Variants in RSBN1L observed in about 807,000 individuals in gnomAD.
The protein encoded by RSBN1L is lysine-specific demethylase RSBN1L.
A neutral mutation model predicts 67.7 loss-of-function variants in RSBN1L; 30 were observed. That is an observed-to-expected ratio of 0.44 (90% confidence interval 0.33 to 0.60). The LOEUF (loss-of-function observed/expected upper bound fraction) is 0.60, where lower values mean the gene tolerates loss of function less well. Ranked by LOEUF, RSBN1L falls within the 20% of genes least tolerant of loss-of-function variation. The pLI is 0.02. For missense variants in RSBN1L, 992 were observed against 1,031.7 expected, an observed-to-expected ratio of 0.96 and a Z score of 0.53; for synonymous variants, 433 against 387.0, an observed-to-expected ratio of 1.12 and a Z score of -1.39.
At chr7:77,713,198 A>T (rs1055562634) in intron 1 of RSBN1L, among the ~76,000 whole-genome samples, 1 of 152,100 alleles carries the variant, frequency 6.6e-6, no homozygotes, top group Non-Finnish European at 1.5e-5. Flanking sequence ...ATATTAGAAT[A>T]TTAGCCCTTT....
intron 2 of RSBN1L, among the ~76,000 whole-genome samples, chr7:77,748,087 G>A (rs1313553276): frequency 6.6e-6 from 1 of 152,116 alleles, no homozygotes; most frequent in Non-Finnish European, 1.5e-5. Flanking sequence ...AGGTACTTGA[G>A]GGCACTGTCT....
intron 1 of RSBN1L, among the ~76,000 whole-genome samples, chr7:77,729,018 T>C (rs1369041079): frequency 6.7e-6 from 1 of 150,222 alleles, no homozygotes; most frequent in Non-Finnish European, 1.5e-5. Flanking sequence ...TCCTTATTTA[T>C]TTATTTTTTA....
At position 77,696,732 on chromosome 7, in the gene RSBN1L, T is replaced by G; in HGVS notation, c.263T>G (p.Phe88Cys). Residue 88 changes from phenylalanine (F) to cysteine (C), a missense_variant, in exon 1 of 8, where the codon TTT becomes TGT. Around this residue, in one of 7 missense-constraint regions of RSBN1L, gnomAD observed 575 missense variants for 483.2 expected, o/e 1.19. Transcript: ENST00000334955. ...QSYGSPASWS[F>C]APLSAAPSPS... is the part of the protein sequence containing the mutation. The stretch of plus-strand genomic sequence containing the variant: ...TATGGCAGCCCCGCGTCTTGGAGCT[T>G]TGCCCCTCTGTCTGCTGCTCCCTCC... The G allele has an allele frequency of 6.2e-7, 1 of 1,613,686 alleles. No individual in the cohort carries two copies. The highest frequency in any genetic ancestry group is 8.5e-7 in the Non-Finnish European group (1 of 1,179,962).
chr7:77,777,980 T>C (rs909655706), intron 6 of RSBN1L, among the ~76,000 whole-genome samples: 1 of 152,230 alleles, frequency 6.6e-6, no homozygotes, highest in Non-Finnish European at 1.5e-5. Context: ...CTAATTTTTA[T>C]GTAGTGTTTT....
chr7:77,734,347 A>T (rs1164927424), intron 1 of RSBN1L, among the ~76,000 whole-genome samples: 4 of 152,196 alleles, frequency 2.6e-5, no homozygotes, highest in African/African-American at 9.7e-5. Flanking sequence ...AAATTGAATT[A>T]TTGGAAAAAG....
At chr7:77,700,250 A>G (rs1450475289) in intron 1 of RSBN1L, among the ~76,000 whole-genome samples, 1 of 152,202 alleles carries the variant, frequency 6.6e-6, no homozygotes, top group Non-Finnish European at 1.5e-5. Context: ...GGTATCCAAA[A>G]TTTAGAATTA....
At position 77,779,770 on chromosome 7, in the gene RSBN1L, C is replaced by G. The variant is rs918573445; in HGVS notation, c.*602C>G. 6.7e-6 allele frequency: 1 copy of G among 149,408 alleles called. No individual in the cohort carries two copies. The highest frequency in any genetic ancestry group is 2.5e-5 in the African/African-American group (1 of 40,636). The allele number at this position is 149,408 out of a possible 1,614,324, so 9.3% of individuals were successfully genotyped here. A position where few individuals can be genotyped will look rare whatever the true frequency, so the allele number is the denominator to read the frequency against. ...AGTGTGGTATTGTAGTGCAAATGTA[C>G]GTAATTCAAATCTAGTAAATATTTA... On this transcript the variant is annotated 3_prime_UTR_variant, in exon 8 of 8. Coordinates refer to ENST00000334955, the MANE Select transcript of RSBN1L (RefSeq NM_198467.3).
chr7:77,757,219 T>G (rs1427325981), intron 3 of RSBN1L, among the ~76,000 whole-genome samples: 1 of 152,266 alleles, frequency 6.6e-6, no homozygotes, highest in African/African-American at 2.4e-5. Context: ...TCTGTTCAAC[T>G]TTATTAAACA....
rs900821413 is a variant in RSBN1L, at chr7:77,749,665, C to A, written c.945C>A (p.Ser315=). ...GKNLDTKNYD[S]KIPENSEFPF... ...ATTTGGATACCAAGAACTATGATTC[C>A]AAAATTCCAGAGAACAGTGAGTTTC... The change falls in exon 3 of 8, where the codon TCC becomes TCA. Residue 315 remains serine (S), a synonymous_variant. Coordinates refer to ENST00000334955, the MANE Select transcript of RSBN1L (RefSeq NM_198467.3). 1.2e-6 allele frequency: 2 copies of A among 1,614,052 alleles called. No homozygotes were observed. The highest frequency in any genetic ancestry group is 1.7e-6 in the Non-Finnish European group (2 of 1,180,008).
chr7:77,768,924 T>A, intron 5 of RSBN1L, 121 bp downstream of exon 5: 2 of 792,814 alleles, frequency 2.5e-6, no homozygotes. Flanking sequence ...AATATAAATT[T>A]AAAAATAGCG....
rs376215573 is a variant in RSBN1L at position 77,750,029 on chromosome 7, A to G, written c.1309A>G (p.Ile437Val). Residue 437 changes from isoleucine to valine, a missense_variant, in exon 3 of 8, where the codon ATA becomes GTA. Physicochemically the swap from Ile to Val is conservative, Grantham distance 29. This residue lies in a region of RSBN1L where 63 missense variants were observed against 84.8 expected (regional missense o/e 0.74). Coordinates refer to ENST00000334955, the MANE Select transcript of RSBN1L (RefSeq NM_198467.3). ...AATGGAGATATTGGGAAAGAAAGAT[A>G]TAGAGACAACGACTATGTCCAATTT... Reference protein sequence around the residue: ...VKMEILGKKDIETTTMSNFHA... With the variant: ...VKMEILGKKDVETTTMSNFHA... 5.0e-6 allele frequency: 8 copies of G among 1,610,950 alleles called. No homozygotes were observed. The African/African-American group carries it at 5.4e-5, about 11-fold the overall frequency.
chr7:77,774,050 G>A (rs1441713430), intron 6 of RSBN1L, among the ~76,000 whole-genome samples: 1 of 152,134 alleles, frequency 6.6e-6, no homozygotes, highest in Non-Finnish European at 1.5e-5. Context: ...ATTTCAATCT[G>A]ATTCCATACT....
intron 3 of RSBN1L, among the ~76,000 whole-genome samples, chr7:77,750,990 T>C (rs1481714838): frequency 6.6e-6 from 1 of 152,240 alleles, no homozygotes. Flanking sequence ...CCTTTCCTTA[T>C]TCTGAATATG....
intron 6 of RSBN1L, 127 bp downstream of exon 6, chr7:77,773,441 T>G: frequency 3.5e-6 from 2 of 570,858 alleles, no homozygotes; most frequent in East Asian, 6.2e-5. Flanking sequence ...TTGGATATCT[T>G]AATTGTATAA....
At position 77,731,584 on chromosome 7, in the gene RSBN1L, A is replaced by G. The variant is rs138931940; in HGVS notation, c.587-4826A>G. On this transcript the variant is annotated intron_variant, in intron 1 of 7. Transcript: ENST00000334955. ...TTCTTATTATTGAGTTTAAAGAGTT[A>G]CCTTTTTTTGGATAATAACCCTTTA... 6.2e-3 allele frequency among the ~76,000 whole-genome samples: 939 copies of G among 152,182 alleles called. 5 individuals are homozygous for G. Among genetic ancestry groups the G allele is most frequent in the Middle Eastern group, 0.037 (11 of 294 alleles).
At chr7:77,701,998 T>C (rs544269870) in intron 1 of RSBN1L, among the ~76,000 whole-genome samples, 2 of 151,834 alleles carry the variant, frequency 1.3e-5, no homozygotes, top group East Asian at 1.9e-4. Flanking sequence ...TGAGACGGTC[T>C]TGTACTGTCG....
chr7:77,705,010 T>C (rs984375919), intron 1 of RSBN1L, among the ~76,000 whole-genome samples: 1 of 148,230 alleles, frequency 6.7e-6, no homozygotes, highest in African/African-American at 2.5e-5. Flanking sequence ...TGTGTGTAAA[T>C]GTATAAATAT....
intron 1 of RSBN1L, among the ~76,000 whole-genome samples, chr7:77,703,157 C>G (rs1790840836): frequency 6.6e-6 from 1 of 152,156 alleles, no homozygotes. Flanking sequence ...CATTTCACTT[C>G]TCTTTTCTGT....
intron 2 of RSBN1L, among the ~76,000 whole-genome samples, chr7:77,745,262 CAA>C (rs372240966): frequency 4.4e-4 from 33 of 74,818 alleles, no homozygotes; most frequent in Admixed American, 1.6e-3. Context: ...AACTCCGTCT[CAA>C]AAAAAAAAAA....
Sources: gnomAD v4.1 joint callset for allele counts (sites outside exome capture counted in the v4.1 genomes callset) on GRCh38, gnomAD v4.1.1 for gene constraint, gnomAD v4.1.1 regional missense constraint, MANE v1.5 for transcripts, NCBI Gene and HGNC (gene_info 2026-07-23, HGNC 2026-07-21) for gene names.